The following RBSN variants were observed in gnomAD, a reference collection of about 807,000 sequenced individuals.
RBSN encodes rabenosyn, RAB effector, also known as rabenosyn-5.
Under a neutral mutation model 60.5 loss-of-function variants are expected in RBSN, and 34 were observed. The observed-to-expected ratio is 0.56, with a 90% confidence interval of 0.43 to 0.75. The LOEUF is 0.75. Ranked by LOEUF, RBSN falls within the 30% of genes least tolerant of loss-of-function variation. The probability of loss-of-function intolerance (pLI) is 0.00; values close to 1 mark genes in which losing one functional copy is unlikely to be tolerated. For synonymous variants in RBSN, 322 were observed against 366.9 expected, an observed-to-expected ratio of 0.88 and a Z score of 1.40; for missense variants, 845 against 986.8, an observed-to-expected ratio of 0.86 and a Z score of 1.92.
intron 12 of RBSN, among the ~76,000 whole-genome samples, chr3:15,076,658 C>G: frequency 6.6e-6 from 1 of 152,004 alleles, no homozygotes; most frequent in East Asian, 1.9e-4. Flanking sequence ...AGGAGATTAT[C>G]CTAAGGAAGA....
Position 15,072,195 on chromosome 3 carries a change from C to G in RBSN, c.*1587G>C, listed in dbSNP as rs553668521. On this transcript the variant is annotated 3_prime_UTR_variant, in exon 14 of 14. Coordinates refer to ENST00000253699, the MANE Select transcript of RBSN (RefSeq NM_022340.4). ...TCACTTGAGGCCAGGAGTTCGAAAC[C>G]AGCCTGGCCAAAATGGTGAAACTCT... 1.8e-4 allele frequency: 27 copies of G among 152,602 alleles called. No homozygotes were observed. The highest frequency in any genetic ancestry group is 6.5e-4 in the African/African-American group (27 of 41,570). 9.5% of individuals were successfully genotyped at this position (152,602 alleles called of 1,614,324 possible). A position where few individuals can be genotyped will look rare whatever the true frequency, so the allele number is the denominator to read the frequency against.
At position 15,082,755 on chromosome 3, in the gene RBSN, T is replaced by G. The variant is rs1480602464; in HGVS notation, c.599-147A>C. ...GTGGGCACGTACTGCCCCTCTGCCTTCCTGGTGTCAGACTCTGGTGAGAAA... is the reference window on the plus strand; with the variant it reads ...GTGGGCACGTACTGCCCCTCTGCCTGCCTGGTGTCAGACTCTGGTGAGAAA... On this transcript the variant is annotated intron_variant, in intron 8 of 13. Coordinates refer to ENST00000253699, the MANE Select transcript of RBSN (RefSeq NM_022340.4). The surrounding 1 kb of genome is among the most constrained non-coding windows in gnomAD (Gnocchi z 4.2). The G allele has an allele frequency of 8.2e-7, 1 of 1,214,908 alleles. No homozygotes were observed. The highest frequency in any genetic ancestry group is 2.6e-5 in the East Asian group (1 of 38,806). The allele number at this position is 1,214,908 out of a possible 1,614,324, so 75.3% of individuals were successfully genotyped here.
chr3:15,095,882 T>G, intron 4 of RBSN, 91 bp downstream of exon 4: 1 of 1,556,864 alleles, frequency 6.4e-7, no homozygotes, highest in Non-Finnish European at 8.8e-7. Context: ...TATTATCATA[T>G]TCCTGTGGCA....
Position 15,074,561 on chromosome 3 carries a change from G to A in RBSN, c.1576C>T (p.Arg526Cys), listed in dbSNP as rs973208059. 5.0e-6 allele frequency: 8 copies of A among 1,614,186 alleles called. No individual in the cohort carries two copies. Among genetic ancestry groups the A allele is most frequent in the East Asian group, 2.2e-5 (1 of 44,884 alleles). ...CTTTCTCGTTCCAACTCCCGTTCAC[G>A]CAACATCTGCAGCTGTTCCCGCTGC... ...DLQREQLQML[R>C]ERELEREREQ... Residue 526 changes from arginine to cysteine, a missense_variant, in exon 14 of 14, where the codon CGT becomes TGT. Coordinates refer to ENST00000253699, the MANE Select transcript of RBSN (RefSeq NM_022340.4). This position sits in a 1 kb window ranked among gnomAD's most constrained non-coding sequence, Gnocchi z 6.4.
chr3:15,078,985 C>A (rs1032290770), intron 10 of RBSN, among the ~76,000 whole-genome samples: 3 of 151,686 alleles, frequency 2.0e-5, no homozygotes, highest in African/African-American at 7.3e-5. Context: ...ATAATTAATT[C>A]TTTTCCTACA....
Position 15,085,027 on chromosome 3 carries a change from T to C in RBSN, c.409A>G (p.Thr137Ala). 6.2e-7 allele frequency: 1 copy of C among 1,614,244 alleles called. No individual in the cohort carries two copies. The highest frequency in any genetic ancestry group is 8.5e-7 in the Non-Finnish European group (1 of 1,180,046). ...RLEKLTAFDR[T>A]NTESAKIRAI... ...CGAATCTTTGCAGACTCAGTATTTG[T>C]TCTGTCAAATGCAGTGAGCTGACCG... Residue 137 changes from threonine (T) to alanine (A), a missense_variant, in exon 7 of 14, where the codon ACA becomes GCA. Coordinates refer to ENST00000253699, the MANE Select transcript of RBSN (RefSeq NM_022340.4).
intron 10 of RBSN, among the ~76,000 whole-genome samples, chr3:15,079,750 T>C (rs1438237546): frequency 6.6e-6 from 1 of 152,100 alleles, no homozygotes; most frequent in African/African-American, 2.4e-5. Context: ...AGACAGGAAA[T>C]AGATTAGTGG....
chr3:15,080,981 A>G, intron 9 of RBSN, 179 bp from the exon 10 acceptor site: 1 of 584,868 alleles, frequency 1.7e-6, no homozygotes, highest in East Asian at 2.8e-5. Flanking sequence ...GTAGGAAGGA[A>G]AGAAAGTGAG....
chr3:15,080,853 C>T (rs1334647235), intron 9 of RBSN, 51 bp from the exon 10 acceptor site: 2 of 1,456,568 alleles, frequency 1.4e-6, no homozygotes, highest in Non-Finnish European at 1.9e-6. Context: ...ATAGAAACAC[C>T]TACCCAGAAG....
At chr3:15,080,645 A>G in intron 10 of RBSN, 87 bp downstream of exon 10, 1 of 1,352,050 alleles carries the variant, frequency 7.4e-7, no homozygotes, top group East Asian at 2.3e-5. Context: ...TGAAGTTAAG[A>G]TTTTCATTTT....
chr3:15,089,841 G>A (rs541500268), intron 5 of RBSN, among the ~76,000 whole-genome samples: 1 of 152,198 alleles, frequency 6.6e-6, no homozygotes, highest in South Asian at 2.1e-4. Flanking sequence ...CTCGTGATCT[G>A]CCCGCCTCGG....
At chr3:15,075,001 T>TA (rs2043019190) in intron 13 of RBSN, 71 bp from the exon 14 acceptor site, 1 of 1,506,460 alleles carries the variant, frequency 6.6e-7, no homozygotes, top group South Asian at 1.3e-5. Flanking sequence ...TCACCCACCC[T>TA]CTGTTGTCCC....
At position 15,077,554 on chromosome 3, in the gene RBSN, C is replaced by T. The variant is rs1391707387; in HGVS notation, c.999-390G>A. 2.6e-5 allele frequency among the ~76,000 whole-genome samples: 4 copies of T among 152,158 alleles called. No individual in the cohort carries two copies. The highest frequency in any genetic ancestry group is 4.4e-5 in the Non-Finnish European group (3 of 68,034). On this transcript the variant is annotated intron_variant, in intron 11 of 13. Transcript: ENST00000253699. The surrounding 1 kb of genome is among the most constrained non-coding windows in gnomAD (Gnocchi z 4.4). ...CATTTTGTACCAGGCCCTGCAACTACGAACTCCTGCTGTATGTCTGGATGG... is the reference window on the plus strand; with the variant it reads ...CATTTTGTACCAGGCCCTGCAACTATGAACTCCTGCTGTATGTCTGGATGG...
intron 5 of RBSN, among the ~76,000 whole-genome samples, chr3:15,086,897 C>T (rs1416658587): frequency 6.6e-6 from 1 of 152,200 alleles, no homozygotes; most frequent in Non-Finnish European, 1.5e-5. Context: ...ATATCCCCTG[C>T]TCAGTCTCAC....
rs1452413050 is a variant in RBSN at position 15,090,375 on chromosome 3, GAATGAATA to G, written c.289+16_289+23del. ...AGCAGATGCTCAATAACCACTTGCT[GAATGAATA>G]AATGAATTTTCTTACCAAGCTCCTG... On this transcript the variant is annotated intron_variant, in intron 5 of 13. Coordinates refer to ENST00000253699, the MANE Select transcript of RBSN (RefSeq NM_022340.4). The G allele has an allele frequency of 3.7e-6, 6 of 1,611,120 alleles. No individual in the cohort carries two copies. Among genetic ancestry groups the G allele is most frequent in the Non-Finnish European group, 5.1e-6 (6 of 1,179,054 alleles).
rs2042993374 is a variant in RBSN, at chr3:15,074,337, C to T, written c.1800G>A (p.Trp600Ter). The T allele has an allele frequency of 1.2e-6, 2 of 1,614,118 alleles. No homozygotes were observed. The highest frequency in any genetic ancestry group is 1.7e-6 in the Non-Finnish European group (2 of 1,180,018). The change falls in exon 14 of 14, where the codon TGG becomes TGA. Residue 600 changes from tryptophan to a stop codon, truncating the protein, a stop_gained. Transcript: ENST00000253699. LOFTEE classifies it low-confidence loss of function (END_TRUNC). This position sits in a 1 kb window ranked among gnomAD's most constrained non-coding sequence, Gnocchi z 6.4. ...CCTGGCCAACGGCTGGGGGCCCAGA[C>T]CACACTCTGGTGGGTTGAGTTGAGC... is the stretch of plus-strand genomic sequence containing the variant. ...SLSSTQPTRV[W>*]SGPPAVGQER...
rs1343060318 is a variant in RBSN at position 15,084,669 on chromosome 3, T to G, written c.598+66A>C. ...CAAAAAGGTTCCACGATCCCAGTGG[T>G]AATTAGCAAATAAGCTAGGCCCAAA... is the stretch of plus-strand genomic sequence containing the variant. On this transcript the variant is annotated intron_variant, in intron 8 of 13. Coordinates refer to ENST00000253699, the MANE Select transcript of RBSN (RefSeq NM_022340.4). The surrounding 1 kb of genome is among the most constrained non-coding windows in gnomAD (Gnocchi z 4.2). 2 of 1,502,580 alleles carry G rather than the reference T, an allele frequency of 1.3e-6. No homozygotes were observed. The highest frequency in any genetic ancestry group is 2.3e-5 in the East Asian group (1 of 43,758). 93.1% of individuals were successfully genotyped at this position (1,502,580 alleles called of 1,614,324 possible). A position where few individuals can be genotyped will look rare whatever the true frequency, so the allele number is the denominator to read the frequency against.
At chr3:15,095,857 T>C in intron 4 of RBSN, 116 bp downstream of exon 4, 1 of 1,351,048 alleles carries the variant, frequency 7.4e-7, no homozygotes, top group Non-Finnish European at 1.0e-6. Context: ...ACACTAGTCA[T>C]CTGTTTGCTA....
rs761666596 is a variant in RBSN at position 15,072,041 on chromosome 3, G to C, written c.*1741C>G. ...TTAAGTACTGTGGTGCTACCAGCAC[G>C]ATCCTGGGTTGTGCTTCTTCAAACA... On this transcript the variant is annotated 3_prime_UTR_variant, in exon 14 of 14. Transcript: ENST00000253699. The C allele has an allele frequency of 2.6e-5, 4 of 152,660 alleles. No homozygotes were observed. The highest frequency in any genetic ancestry group is 6.5e-5 in the Admixed American group (1 of 15,288). 9.5% of individuals were successfully genotyped at this position (152,660 alleles called of 1,614,324 possible).
Sources: allele counts gnomAD v4.1 joint callset (sites outside exome capture counted in the v4.1 genomes callset), GRCh38; gene constraint gnomAD v4.1.1; non-coding constraint Gnocchi (gnomAD v3.1); transcripts MANE v1.5; gene names NCBI Gene and HGNC (gene_info 2026-07-23, HGNC 2026-07-21).